The following CD99 variants were observed in gnomAD, a reference collection of about 807,000 sequenced individuals.
The protein encoded by CD99 is CD99 molecule (Xg blood group), also known as CD99 antigen.
Under a neutral mutation model 28.4 loss-of-function variants are expected in CD99, and 19 were observed. That is an observed-to-expected ratio of 0.67 (90% CI 0.47 to 0.98). The LOEUF (loss-of-function observed/expected upper bound fraction) is 0.98. CD99 is among the 50% of genes least tolerant of loss of function. The pLI is 0.00. For synonymous variants in CD99, 103 were observed against 92.1 expected (o/e 1.12, Z -0.67); for missense variants, 283 against 248.8 (o/e 1.14, Z -0.92).
At position 2,697,393 on chromosome X, in the gene CD99, T is replaced by C. The variant is rs369744972; in HGVS notation, c.67+5966T>C. 1.8e-4 allele frequency among the ~76,000 whole-genome samples: 27 copies of C among 152,286 alleles called. 2 individuals are homozygous for C. The highest frequency in any genetic ancestry group is 1.2e-3 in the Admixed American group (18 of 15,292). ...GTTTAAAAGCTGATAATAGTGTATC[T>C]GGTTGAGCTAACAGCCCTTCTTGAG... On this transcript the variant is annotated intron_variant, in intron 1 of 9. Transcript: ENST00000381192.
At chrX:2,706,453 C>A (rs759373889) in intron 1 of CD99, among the ~76,000 whole-genome samples, 13 of 152,348 alleles carry the variant, frequency 8.5e-5, no homozygotes, top group African/African-American at 3.1e-4. Context: ...GTGCCCTCTG[C>A]ACCACCTCCT....
At chrX:2,691,899 C>T (rs747345987) in intron 1 of CD99, 1 of 779,284 alleles carries the variant, frequency 1.3e-6, no homozygotes, top group East Asian at 2.4e-5. Flanking sequence ...AGCCTGAGAC[C>T]CGGGTGGTGG....
chrX:2,692,567 A>T (rs1319198849), intron 1 of CD99, among the ~76,000 whole-genome samples: 8 of 152,170 alleles, frequency 5.3e-5, no homozygotes, highest in African/African-American at 1.9e-4. Context: ...TAGAGATTAG[A>T]GATAATGAAG....
intron 8 of CD99, among the ~76,000 whole-genome samples, chrX:2,732,879 T>C (rs1001363151): frequency 1.3e-5 from 2 of 149,392 alleles, no homozygotes; most frequent in African/African-American, 4.9e-5. Context: ...TCTTCCTTCC[T>C]TCTTTCTTCT....
In CD99 at chrX:2,726,048, C is replaced by T. The variant is rs2049264400; in HGVS notation, c.362-212C>T. 2.0e-5 allele frequency among the ~76,000 whole-genome samples: 3 copies of T among 152,212 alleles called. No individual in the cohort carries two copies. The South Asian group carries it at 6.2e-4, about 32-fold the overall frequency. ...TCCCTCCATGGTCTGACCAGGTCTG[C>T]CCAGCACGTGCGATGGGAGATTGTG... On this transcript the variant is annotated intron_variant, in intron 7 of 9. Coordinates refer to ENST00000381192, the MANE Select transcript of CD99 (RefSeq NM_002414.5).
Position 2,726,389 on chromosome X carries a change from C to G in CD99, c.475+16C>G. On this transcript the variant is annotated intron_variant, in intron 8 of 9. Coordinates refer to ENST00000381192, the MANE Select transcript of CD99 (RefSeq NM_002414.5). ...AAAGAAAATGGTAAGTCTCAGTCCG[C>G]CGGTGCCTCTCCTTCATGCCTTGCT... 1 of 1,464,994 alleles carries G rather than the reference C, an allele frequency of 6.8e-7. No homozygotes were observed. Among genetic ancestry groups the G allele is most frequent in the East Asian group, 2.3e-5 (1 of 44,210 alleles). 90.7% of individuals were successfully genotyped at this position (1,464,994 alleles called of 1,614,324 possible).
At chrX:2,721,665 A>G (rs775843220) in intron 5 of CD99, among the ~76,000 whole-genome samples, 64 of 152,216 alleles carry the variant, frequency 4.2e-4, no homozygotes, top group African/African-American at 1.5e-3. Context: ...GCATTGTAAC[A>G]TTACTTTTTG....
intron 8 of CD99, among the ~76,000 whole-genome samples, chrX:2,735,610 A>G (rs991689391): frequency 1.1e-4 from 16 of 152,150 alleles, no homozygotes; most frequent in Non-Finnish European, 1.6e-4. Flanking sequence ...CAATGAGGGG[A>G]GAGGGAGAAA....
At chrX:2,719,454 C>G in intron 3 of CD99, 1 of 632,218 alleles carries the variant, frequency 1.6e-6, no homozygotes, top group Admixed American at 2.8e-5. Context: ...GTCTCTGTCT[C>G]TCTGTTTTTT....
chrX:2,734,511 TGGCCA>T (rs2049833938), intron 8 of CD99, among the ~76,000 whole-genome samples: 1 of 152,014 alleles, frequency 6.6e-6, no homozygotes. Flanking sequence ...TTCTCCATGT[TGGCCA>T]GGCTGATCTC....
At chrX:2,699,209 GC>G (rs1363838992) in intron 1 of CD99, among the ~76,000 whole-genome samples, 1 of 146,126 alleles carries the variant, frequency 6.8e-6, no homozygotes, top group Non-Finnish European at 1.5e-5. Context: ...TTGCTGTGTT[GC>G]CCAGGCTGGA....
intron 8 of CD99, among the ~76,000 whole-genome samples, chrX:2,727,138 AAAAAC>A (rs949678283): frequency 2.6e-4 from 40 of 152,296 alleles, no homozygotes; most frequent in African/African-American, 9.6e-4. Flanking sequence ...CTCCGTCTCA[AAAAAC>A]AAAACAAAAC....
chrX:2,722,706 C>G, intron 6 of CD99, 32 bp downstream of exon 6: 3 of 1,609,282 alleles, frequency 1.9e-6, no homozygotes, highest in Non-Finnish European at 2.6e-6. Context: ...TCTCTTTTCT[C>G]TCTCCATCCC....
chrX:2,737,515 G>T (rs2050005510), intron 8 of CD99, among the ~76,000 whole-genome samples: 1 of 149,846 alleles, frequency 6.7e-6, no homozygotes, highest in Non-Finnish European at 1.5e-5. Flanking sequence ...TTTTTATTTT[G>T]AGACAGTCTT....
In CD99 at chrX:2,727,489, T is replaced by C. The variant is rs1028856926; in HGVS notation, c.475+1116T>C. 5.5e-5 allele frequency: 38 copies of C among 685,626 alleles called. No individual in the cohort carries two copies. In the African/African-American group the frequency reaches 6.2e-4, roughly 11 times the overall value. 42.5% of individuals were successfully genotyped at this position (685,626 alleles called of 1,614,324 possible). A position where few individuals can be genotyped will look rare whatever the true frequency, so the allele number is the denominator to read the frequency against. On this transcript the variant is annotated intron_variant, in intron 8 of 9. Coordinates refer to ENST00000381192, the MANE Select transcript of CD99 (RefSeq NM_002414.5). ...CGGGAACAGCTACTCTTATTTTTTA[T>C]TTCTTGAGACAGAGTTTCGCTCTGT...
chrX:2,732,596 C>T lies in CD99; in HGVS notation c.476-5604C>T, dbSNP rs371434939. 6.5e-4 allele frequency among the ~76,000 whole-genome samples: 98 copies of T among 150,538 alleles called. 1 individual carries two copies. The South Asian group carries it at 7.4e-3, about 11-fold the overall frequency. ...CTCTTTTCATTCTTTCTTGAACTCTCCCTCTTTCTTCCTCCCTCCCTCCCT... is the reference window on the plus strand; with the variant it reads ...CTCTTTTCATTCTTTCTTGAACTCTTCCTCTTTCTTCCTCCCTCCCTCCCT... On this transcript the variant is annotated intron_variant, in intron 8 of 9. Coordinates refer to ENST00000381192, the MANE Select transcript of CD99 (RefSeq NM_002414.5).
At chrX:2,691,708 T>C (rs310134) in intron 1 of CD99, 527,167 of 704,984 alleles carry the variant, frequency 0.75, 197,851 homozygotes, top group South Asian at 0.79. Context: ...GCGTCCGATT[T>C]TTCCCAATCT....
At chrX:2,691,498 T>G (rs747592426) in intron 1 of CD99, 71 bp downstream of exon 1, 2 of 1,492,990 alleles carry the variant, frequency 1.3e-6, no homozygotes, top group South Asian at 2.4e-5. Context: ...CCGCTTGAGA[T>G]GCGGCGTTGG....
chrX:2,721,761 A>G (rs1278053652), intron 5 of CD99, among the ~76,000 whole-genome samples: 1 of 152,204 alleles, frequency 6.6e-6, no homozygotes, highest in African/African-American at 2.4e-5. Context: ...ACTATTACAT[A>G]CTACATATAT....
Sources: allele counts gnomAD v4.1 joint callset (sites outside exome capture counted in the v4.1 genomes callset), GRCh38; gene constraint gnomAD v4.1.1; transcripts MANE v1.5; gene names NCBI Gene and HGNC (gene_info 2026-07-23, HGNC 2026-07-21).